The following CDH13 variants were observed in gnomAD, a reference collection of about 807,000 sequenced individuals.
CDH13 encodes the protein cadherin-13.
Under a neutral mutation model 63.8 loss-of-function variants are expected in CDH13, and 24 were observed. That is an observed-to-expected ratio of 0.38 (90% confidence interval 0.27 to 0.53). The LOEUF (loss-of-function observed/expected upper bound fraction) is 0.53. CDH13 is among the 20% of genes least tolerant of loss of function. The probability of loss-of-function intolerance (pLI) is 0.85; values close to 1 mark genes in which losing one functional copy is unlikely to be tolerated. For missense variants in CDH13, 1,049 were observed against 903.1 expected (o/e 1.16, Z -2.07); for synonymous variants, 503 against 355.3 (o/e 1.42, Z -4.67).
chr16:83,306,277 G>A (rs1032199159), intron 5 of CDH13, among the ~76,000 whole-genome samples: 4 of 152,222 alleles, frequency 2.6e-5, no homozygotes, highest in Non-Finnish European at 5.9e-5. Context: ...TTCCCACCAA[G>A]GCTTATGTAG....
At chr16:83,065,009 C>G (rs570688608) in intron 3 of CDH13, among the ~76,000 whole-genome samples, 5 of 152,240 alleles carry the variant, frequency 3.3e-5, no homozygotes, top group Admixed American at 3.3e-4. Flanking sequence ...TCCCCAGTCC[C>G]TCCCCTGCAC....
At chr16:82,806,760 A>C (rs974512229) in intron 1 of CDH13, among the ~76,000 whole-genome samples, 6 of 152,192 alleles carry the variant, frequency 3.9e-5, no homozygotes, top group Non-Finnish European at 8.8e-5. Context: ...TGAAACAATG[A>C]AGAGTGAAAT....
At position 83,311,593 on chromosome 16, in the gene CDH13, G is replaced by A. The variant is rs74669998; in HGVS notation, c.637-33269G>A. 7.9e-3 allele frequency among the ~76,000 whole-genome samples: 1,196 copies of A among 152,316 alleles called. 15 individuals carry two copies. The highest frequency in any genetic ancestry group is 0.023 in the African/African-American group (965 of 41,588). On this transcript the variant is annotated intron_variant, in intron 5 of 13. Transcript: ENST00000567109. ...ACAGAGTTTAAAACTGAGTCTCAGT[G>A]AGGGGAAGTAAACTGCATGCAGTTC...
chr16:83,577,040 T>A (rs1905130512), intron 7 of CDH13, among the ~76,000 whole-genome samples: 1 of 152,222 alleles, frequency 6.6e-6, no homozygotes, highest in African/African-American at 2.4e-5. Flanking sequence ...ATGACATTTG[T>A]GGGCAAAACA....
chr16:82,878,577 T>C (rs9933586), intron 2 of CDH13, among the ~76,000 whole-genome samples: 108,757 of 145,254 alleles, frequency 0.75, 41,205 homozygotes, highest in East Asian at 0.87. Flanking sequence ...CAGAACCCCT[T>C]CTGTGCGTTG....
chr16:82,914,891 C>T (rs534497160), intron 2 of CDH13, among the ~76,000 whole-genome samples: 7 of 152,230 alleles, frequency 4.6e-5, no homozygotes, highest in East Asian at 1.9e-4. Flanking sequence ...TGACACCAAA[C>T]GGTGTCACCA....
At chr16:82,729,572 G>C (rs1599537) in intron 1 of CDH13, among the ~76,000 whole-genome samples, 7 of 152,018 alleles carry the variant, frequency 4.6e-5, no homozygotes, top group Non-Finnish European at 8.8e-5. Context: ...TGTGCTGTTA[G>C]ACAGGCTTTT....
chr16:83,656,164 G>A (rs749873550), intron 8 of CDH13, among the ~76,000 whole-genome samples: 4 of 152,114 alleles, frequency 2.6e-5, no homozygotes, highest in Admixed American at 1.3e-4. Flanking sequence ...CAGATATTTC[G>A]TAGAAATGGA....
chr16:82,885,934 G>C (rs1010627424), intron 2 of CDH13, among the ~76,000 whole-genome samples: 10 of 152,100 alleles, frequency 6.6e-5, no homozygotes, highest in Non-Finnish European at 1.3e-4. Context: ...GTAAATATTA[G>C]CTGTCTTTAT....
intron 2 of CDH13, among the ~76,000 whole-genome samples, chr16:82,900,426 T>A (rs2041423489): frequency 3.8e-5 from 1 of 26,630 alleles, no homozygotes; most frequent in Non-Finnish European, 8.3e-5. Context: ...GTTCAAGAAG[T>A]ACAGGGATGA....
intron 1 of CDH13, among the ~76,000 whole-genome samples, chr16:82,724,147 T>C (rs1347952909): frequency 6.6e-6 from 1 of 152,192 alleles, no homozygotes; most frequent in East Asian, 1.9e-4. Context: ...AGAGGTTTTT[T>C]GTTATATACA....
chr16:82,841,242 T>A (rs2038996879), intron 1 of CDH13, among the ~76,000 whole-genome samples: 2 of 152,202 alleles, frequency 1.3e-5, no homozygotes, highest in Admixed American at 1.3e-4. Context: ...CTAAAGGCCA[T>A]CTAGCAGATA....
intron 10 of CDH13, among the ~76,000 whole-genome samples, chr16:83,736,222 G>C (rs978531029): frequency 6.6e-6 from 1 of 152,148 alleles, no homozygotes; most frequent in Admixed American, 6.5e-5. Context: ...TAAAGCATCT[G>C]TGTAATGCTT....
chr16:83,459,644 T>C (rs991946523), intron 6 of CDH13, among the ~76,000 whole-genome samples: 1 of 152,226 alleles, frequency 6.6e-6, no homozygotes. Flanking sequence ...GTTTTTCTAA[T>C]GAAGGAGATT....
intron 3 of CDH13, among the ~76,000 whole-genome samples, chr16:83,072,844 C>G (rs1597274764): frequency 6.6e-6 from 1 of 152,250 alleles, no homozygotes; most frequent in East Asian, 1.9e-4. Flanking sequence ...AACAAGATCC[C>G]CTACATTGGA....
At chr16:82,836,902 T>A (rs967781270) in intron 1 of CDH13, among the ~76,000 whole-genome samples, 1 of 152,244 alleles carries the variant, frequency 6.6e-6, no homozygotes, top group South Asian at 2.1e-4. Flanking sequence ...ATGCAGTCCC[T>A]TTAAAGGGAT....
At chr16:82,889,397 C>CA (rs1331969570) in intron 2 of CDH13, among the ~76,000 whole-genome samples, 2 of 152,036 alleles carry the variant, frequency 1.3e-5, no homozygotes, top group Non-Finnish European at 2.9e-5. Context: ...TCTTGCTTCA[C>CA]AAATGACTTA....
intron 5 of CDH13, among the ~76,000 whole-genome samples, chr16:83,287,902 G>T (rs1421929723): frequency 6.6e-6 from 1 of 152,130 alleles, no homozygotes; most frequent in East Asian, 1.9e-4. Flanking sequence ...AGAAGTCCAT[G>T]AGAAGTAAAA....
intron 2 of CDH13, among the ~76,000 whole-genome samples, chr16:82,901,048 T>C (rs2041449571): frequency 6.6e-6 from 1 of 150,728 alleles, no homozygotes; most frequent in African/African-American, 2.4e-5. Context: ...ATAAGGTTGT[T>C]TCACATGAGC....
Sources: gnomAD v4.1 joint callset for allele counts (sites outside exome capture counted in the v4.1 genomes callset) on GRCh38, gnomAD v4.1.1 for gene constraint, MANE v1.5 for transcripts, NCBI Gene and HGNC (gene_info 2026-07-23, HGNC 2026-07-21) for gene names.